TAS2R1: variants seen among roughly 807,000 people sequenced by gnomAD.
The protein encoded by TAS2R1 is taste 2 receptor member 1.
For synonymous variants in TAS2R1, 141 were observed against 134.2 expected (o/e 1.05, Z -0.35); for missense variants, 370 against 353.4 (o/e 1.05, Z -0.38).
At chr5:9,805,510 C>T in the TAS2R1 span, among the ~76,000 whole-genome samples, 1 of 152,104 alleles carries the variant, frequency 6.6e-6, no homozygotes, top group Non-Finnish European at 1.5e-5. Context: ...AAAATACTAG[C>T]TAACAGAATC....
chr5:9,734,336 A>G, the TAS2R1 span, among the ~76,000 whole-genome samples: 1 of 152,158 alleles, frequency 6.6e-6, no homozygotes, highest in Non-Finnish European at 1.5e-5. Flanking sequence ...ACAACTCACT[A>G]CCTTTAAATA....
At chr5:9,688,507 G>A (rs1741172523) in intron 1 of TAS2R1, among the ~76,000 whole-genome samples, 1 of 152,180 alleles carries the variant, frequency 6.6e-6, no homozygotes, top group Non-Finnish European at 1.5e-5. Flanking sequence ...CATAGGAGCT[G>A]GTAGACTTGA....
chr5:9,793,002 T>C, the TAS2R1 span, among the ~76,000 whole-genome samples: 1 of 152,222 alleles, frequency 6.6e-6, no homozygotes, highest in Non-Finnish European at 1.5e-5. Flanking sequence ...CCATTGCATA[T>C]AAAAGATGCA....
the TAS2R1 span, among the ~76,000 whole-genome samples, chr5:9,811,479 A>G: frequency 6.6e-6 from 1 of 152,158 alleles, no homozygotes; most frequent in Non-Finnish European, 1.5e-5. Context: ...CAAAATATGT[A>G]AGCTCAAAGG....
chr5:9,897,550 A>T, the TAS2R1 span, among the ~76,000 whole-genome samples: 1 of 152,260 alleles, frequency 6.6e-6, no homozygotes, highest in Non-Finnish European at 1.5e-5. Flanking sequence ...GGCTAACCGC[A>T]CGTCTATACC....
At chr5:9,756,646 TTG>T in the TAS2R1 span, among the ~76,000 whole-genome samples, 6 of 152,200 alleles carry the variant, frequency 3.9e-5, no homozygotes, top group Admixed American at 1.3e-4. Context: ...AAGTAAATCT[TTG>T]TGAGTGGTTG....
the TAS2R1 span, among the ~76,000 whole-genome samples, chr5:9,834,406 A>G: frequency 2.6e-5 from 4 of 152,338 alleles, no homozygotes; most frequent in South Asian, 8.3e-4. Context: ...ATAAATGTTC[A>G]CAATTGTGAT....
At chr5:9,815,641 T>C in the TAS2R1 span, among the ~76,000 whole-genome samples, 1 of 151,238 alleles carries the variant, frequency 6.6e-6, no homozygotes, top group Non-Finnish European at 1.5e-5. Flanking sequence ...TAATATCTAC[T>C]CAAGTCTGTA....
the TAS2R1 span, among the ~76,000 whole-genome samples, chr5:9,746,728 G>C: frequency 2.0e-5 from 3 of 152,260 alleles, no homozygotes; most frequent in Admixed American, 6.5e-5. Flanking sequence ...AGAACACATG[G>C]ACACAGGGAG....
chr5:9,707,730 G>A (rs749415396), intron 1 of TAS2R1, among the ~76,000 whole-genome samples: 5 of 151,930 alleles, frequency 3.3e-5, no homozygotes, highest in African/African-American at 9.7e-5. Context: ...TGCAGCTCTC[G>A]GTGCAAGCCC....
chr5:9,693,139 C>A (rs1016583553), intron 1 of TAS2R1, among the ~76,000 whole-genome samples: 3 of 152,092 alleles, frequency 2.0e-5, no homozygotes, highest in Admixed American at 1.3e-4. Flanking sequence ...CTGCCTTCAT[C>A]CCCCAAAGTG....
the TAS2R1 span, among the ~76,000 whole-genome samples, chr5:9,772,144 A>G: frequency 2.4e-4 from 37 of 152,158 alleles, no homozygotes; most frequent in Non-Finnish European, 4.7e-4. Context: ...ACTTACAGCT[A>G]TAAATTTTCC....
In TAS2R1 at chr5:9,628,937, T is replaced by C. The variant is rs571887065; in HGVS notation, c.*196A>G. ...TTGAAATTGATGTAATCCATCAACATATGTTGTGCTTTCAAAATCAGTTTA... is the reference window on the plus strand; with the variant it reads ...TTGAAATTGATGTAATCCATCAACACATGTTGTGCTTTCAAAATCAGTTTA... On this transcript the variant is annotated 3_prime_UTR_variant, in exon 1 of 1. Coordinates refer to ENST00000382492, the MANE Select transcript of TAS2R1 (RefSeq NM_019599.3). 2.3e-5 allele frequency: 11 copies of C among 486,444 alleles called. No homozygotes were observed. The highest frequency in any genetic ancestry group is 2.2e-4 in the Admixed American group (6 of 27,072). 30.1% of individuals were successfully genotyped at this position (486,444 alleles called of 1,614,324 possible). A position where few individuals can be genotyped will look rare whatever the true frequency, so the allele number is the denominator to read the frequency against.
the TAS2R1 span, among the ~76,000 whole-genome samples, chr5:9,731,766 G>T: frequency 2.6e-5 from 4 of 152,154 alleles, 1 homozygote; most frequent in South Asian, 8.3e-4. Flanking sequence ...TTTACCTGTG[G>T]TTGTGTCACT....
chr5:9,761,766 A>G, the TAS2R1 span, among the ~76,000 whole-genome samples: 1 of 152,246 alleles, frequency 6.6e-6, no homozygotes, highest in Non-Finnish European at 1.5e-5. Flanking sequence ...GTTACTGCAC[A>G]GCTCCGTAAT....
chr5:9,806,395 C>T, the TAS2R1 span, among the ~76,000 whole-genome samples: 2 of 151,990 alleles, frequency 1.3e-5, no homozygotes, highest in African/African-American at 4.8e-5. Context: ...CTAGAAAAAA[C>T]AATCCTAAAA....
At chr5:9,746,918 G>C in the TAS2R1 span, among the ~76,000 whole-genome samples, 10 of 152,232 alleles carry the variant, frequency 6.6e-5, no homozygotes, top group South Asian at 2.1e-3. Flanking sequence ...ATGTATCCCA[G>C]AAGTTAAAGT....
chr5:9,730,692 G>A, the TAS2R1 span, among the ~76,000 whole-genome samples: 2 of 152,124 alleles, frequency 1.3e-5, no homozygotes, highest in Non-Finnish European at 2.9e-5. Context: ...AGGGCATGAA[G>A]AGTGGCATGA....
intron 2 of TAS2R1, among the ~76,000 whole-genome samples, chr5:9,640,344 G>A (rs1740045157): frequency 6.6e-6 from 1 of 151,698 alleles, no homozygotes; most frequent in Non-Finnish European, 1.5e-5. Flanking sequence ...ATTGATCACA[G>A]ATCACCATAA....
Sources: gnomAD v4.1 joint callset for allele counts (sites outside exome capture counted in the v4.1 genomes callset) on GRCh38, gnomAD v4.1.1 for gene constraint, MANE v1.5 for transcripts, NCBI Gene and HGNC (gene_info 2026-07-23, HGNC 2026-07-21) for gene names.